MGST1: variants seen among roughly 807,000 people sequenced by gnomAD.
MGST1 encodes the protein microsomal glutathione S-transferase 1.
Under a neutral mutation model 8.9 loss-of-function variants are expected in MGST1, and 5 were observed. The ratio of observed to expected loss-of-function variants is 0.56; its 90% CI spans 0.29 to 1.19. The LOEUF (loss-of-function observed/expected upper bound fraction) is 1.19, where lower values mean the gene tolerates loss of function less well. Among genes scored for constraint, MGST1 ranks in the 50% most tolerant of loss-of-function variants. The pLI is 0.08. For missense variants in MGST1, 182 were observed against 187.4 expected (o/e 0.97, Z 0.17); for synonymous variants, 54 against 67.8 (o/e 0.80, Z 1.00).
At chr12:16,445,113 G>A (rs1278844500) in intron 4 of MGST1, among the ~76,000 whole-genome samples, 1 of 151,576 alleles carries the variant, frequency 6.6e-6, no homozygotes, top group African/African-American at 2.4e-5. Flanking sequence ...TGGGCTTGCT[G>A]TCTAGCCCTT....
chr12:16,525,550 A>G (rs1319686635), intron 4 of MGST1, among the ~76,000 whole-genome samples: 4 of 144,326 alleles, frequency 2.8e-5, no homozygotes, highest in Admixed American at 2.8e-4. Context: ...TCATTGTTGG[A>G]CATTTGGGTT....
At chr12:16,577,569 C>T (rs1468280751) in intron 4 of MGST1, among the ~76,000 whole-genome samples, 1 of 151,776 alleles carries the variant, frequency 6.6e-6, no homozygotes, top group Non-Finnish European at 1.5e-5. Flanking sequence ...TATAATAAAA[C>T]AAATAAGAAT....
At position 16,363,824 on chromosome 12, in the gene MGST1, T is replaced by C. The variant is rs1217371730; in HGVS notation, c.251T>C (p.Ile84Thr). Residue 84 changes from isoleucine to threonine, a missense_variant, in exon 4 of 4, where the codon ATT (isoleucine) becomes ACT (threonine). Coordinates refer to ENST00000396210, the MANE Select transcript of MGST1 (RefSeq NM_020300.5). The surrounding 1 kb of genome is among the most constrained non-coding windows in gnomAD (Gnocchi z 4.6). ...RAHLNDLENI[I>T]PFLGIGLLYS... ...CACCTGAATGACCTTGAAAATATTATTCCATTTCTTGGAATTGGCCTCCTG... is the reference window on the plus strand; with the variant it reads ...CACCTGAATGACCTTGAAAATATTACTCCATTTCTTGGAATTGGCCTCCTG... The C allele has an allele frequency of 6.2e-7, 1 of 1,610,418 alleles. No homozygotes were observed. Among genetic ancestry groups the C allele is most frequent in the Non-Finnish European group, 8.5e-7 (1 of 1,177,016 alleles).
chr12:16,465,410 T>C (rs1374252814), intron 4 of MGST1, among the ~76,000 whole-genome samples: 1 of 152,192 alleles, frequency 6.6e-6, no homozygotes, highest in African/African-American at 2.4e-5. Flanking sequence ...TCCCGGCCAG[T>C]TGACCGGTAC....
intron 4 of MGST1, among the ~76,000 whole-genome samples, chr12:16,543,590 G>T (rs1345787631): frequency 6.6e-6 from 1 of 151,734 alleles, no homozygotes; most frequent in Non-Finnish European, 1.5e-5. Flanking sequence ...CTATGTATCA[G>T]ACATTATGTT....
Position 16,347,958 on chromosome 12 carries a change from G to C in MGST1, c.-23+248G>C, listed in dbSNP as rs1304262719. On this transcript the variant is annotated intron_variant, in intron 1 of 3. Transcript: ENST00000396210. The surrounding 1 kb of genome is among the most constrained non-coding windows in gnomAD (Gnocchi z 4.0). Reference sequence around the variant, plus strand: ...AACGAGAGAGTCTTTTCATGCTTGAGTGATGATTTCCAAACTTAGCCTTTT... The same window carrying C: ...AACGAGAGAGTCTTTTCATGCTTGACTGATGATTTCCAAACTTAGCCTTTT... 1.3e-5 allele frequency: 2 copies of C among 152,228 alleles called. No individual in the cohort carries two copies. The highest frequency in any genetic ancestry group is 2.9e-5 in the Non-Finnish European group (2 of 68,042). 9.4% of individuals were successfully genotyped at this position (152,228 alleles called of 1,614,324 possible).
intron 4 of MGST1, among the ~76,000 whole-genome samples, chr12:16,512,027 G>T (rs548122947): frequency 6.6e-6 from 1 of 152,190 alleles, no homozygotes; most frequent in African/African-American, 2.4e-5. Flanking sequence ...AGAGCTAGTT[G>T]GATTTCAAGA....
At chr12:16,365,333 T>C (rs932668263), downstream of MGST1, among the ~76,000 whole-genome samples, 14 of 152,174 alleles carry the variant, frequency 9.2e-5, no homozygotes, top group African/African-American at 3.1e-4. Context: ...TATCAGTTTT[T>C]TCTTGTATAT....
intron 4 of MGST1, among the ~76,000 whole-genome samples, chr12:16,554,749 C>T (rs2137274643): frequency 6.6e-6 from 1 of 152,306 alleles, no homozygotes; most frequent in South Asian, 2.1e-4. Context: ...CTCCGCCTCC[C>T]GGGTTCCCGC....
At chr12:16,414,663 C>A (rs571637522) in intron 1 of MGST1, among the ~76,000 whole-genome samples, 1 of 152,184 alleles carries the variant, frequency 6.6e-6, no homozygotes, top group Admixed American at 6.5e-5. Context: ...GATCCACCCA[C>A]CTTGGCCTCC....
At chr12:16,442,738 A>G (rs1487384305), downstream of MGST1, among the ~76,000 whole-genome samples, 1 of 151,618 alleles carries the variant, frequency 6.6e-6, no homozygotes, top group Non-Finnish European at 1.5e-5. The surrounding 1 kb of genome is among the most constrained non-coding windows in gnomAD (Gnocchi z 4.5). Flanking sequence ...CAGTCCTCTG[A>G]CTTTGTTCTT....
chr12:16,565,786 GT>G (rs1942576630), intron 4 of MGST1, among the ~76,000 whole-genome samples: 1 of 151,016 alleles, frequency 6.6e-6, no homozygotes, highest in Non-Finnish European at 1.5e-5. Context: ...CAGTATGGAG[GT>G]TCCTCAAAAA....
intron 2 of MGST1, among the ~76,000 whole-genome samples, chr12:16,356,154 G>A (rs1939705929): frequency 2.0e-5 from 3 of 151,978 alleles, no homozygotes; most frequent in African/African-American, 7.2e-5. Context: ...CTATCACATC[G>A]AAGATTAGGC....
At chr12:16,505,171 C>T (rs1023025355) in intron 4 of MGST1, among the ~76,000 whole-genome samples, 2 of 152,162 alleles carry the variant, frequency 1.3e-5, no homozygotes, top group African/African-American at 2.4e-5. Context: ...ACATCTAAAA[C>T]TCCAGACTTT....
At chr12:16,515,499 G>T (rs946646184) in intron 4 of MGST1, among the ~76,000 whole-genome samples, 1 of 151,886 alleles carries the variant, frequency 6.6e-6, no homozygotes, top group Non-Finnish European at 1.5e-5. Context: ...GCATAGTAGC[G>T]GGAGCCTGTA....
downstream of MGST1, among the ~76,000 whole-genome samples, chr12:16,442,044 T>C (rs1941043541): frequency 1.3e-5 from 2 of 151,870 alleles, no homozygotes; most frequent in African/African-American, 4.8e-5. The surrounding 1 kb of genome is among the most constrained non-coding windows in gnomAD (Gnocchi z 4.5). Flanking sequence ...TTTTTGAAGT[T>C]TGCATTTCTC....
chr12:16,360,642 C>A lies in MGST1; in HGVS notation c.221+2943C>A, dbSNP rs1255705220. Among the ~76,000 whole-genome samples the A allele has an allele frequency of 5.9e-5, 9 of 152,248 alleles. No individual in the cohort carries two copies. The East Asian group carries it at 1.7e-3, about 29-fold the overall frequency. ...AAAAGAAAGTTGAAAGGCAAACAGG[C>A]CAGCTGGTGAAATACAGGGAGTCAT... On this transcript the variant is annotated intron_variant, in intron 3 of 3. Coordinates refer to ENST00000396210, the MANE Select transcript of MGST1 (RefSeq NM_020300.5).
rs1941592347 is a variant in MGST1, at chr12:16,513,731, A to C, written n.483-75797A>C. 6 of 568,984 alleles carry C rather than the reference A, an allele frequency of 1.1e-5. No homozygotes were observed. Among genetic ancestry groups the C allele is most frequent in the Non-Finnish European group, 2.1e-5 (6 of 284,114 alleles). 35.2% of individuals were successfully genotyped at this position (568,984 alleles called of 1,614,324 possible). ...TCTGCAGAAGTAGCCTTGGGCGAGAATAGCGAAGTCTCGAAAAGTGGCCGG... is the reference window on the plus strand; with the variant it reads ...TCTGCAGAAGTAGCCTTGGGCGAGACTAGCGAAGTCTCGAAAAGTGGCCGG... On this transcript the variant is annotated intron_variant and non_coding_transcript_variant, in intron 4 of 4. Coordinates refer to the MGST1 transcript ENST00000538857. This position sits in a 1 kb window ranked among gnomAD's most constrained non-coding sequence, Gnocchi z 4.2.
intron 1 of MGST1, among the ~76,000 whole-genome samples, chr12:16,409,769 A>C (rs374252728): frequency 7.2e-5 from 11 of 152,128 alleles, no homozygotes; most frequent in African/African-American, 2.7e-4. Flanking sequence ...AAATGTAAAA[A>C]TATTCACAGA....
Sources: allele counts gnomAD v4.1 joint callset (sites outside exome capture counted in the v4.1 genomes callset), GRCh38; gene constraint gnomAD v4.1.1; non-coding constraint Gnocchi (gnomAD v3.1); transcripts MANE v1.5; gene names NCBI Gene and HGNC (gene_info 2026-07-23, HGNC 2026-07-21).